LRMDA: variants seen among roughly 807,000 people sequenced by gnomAD.
LRMDA encodes leucine rich melanocyte differentiation associated.
LRMDA carries 18 observed loss-of-function variants against 29.8 expected under a neutral mutation model. The observed-to-expected ratio is 0.60, with a 90% CI of 0.42 to 0.90. The LOEUF is 0.90. Ranked by LOEUF, LRMDA falls within the 40% of genes least tolerant of loss-of-function variation. The pLI, the probability that LRMDA is intolerant of heterozygous loss-of-function variation, is 0.00. For missense variants in LRMDA, 273 were observed against 273.9 expected, an observed-to-expected ratio of 1.00 and a Z score of 0.02; for synonymous variants, 125 against 109.4, an observed-to-expected ratio of 1.14 and a Z score of -0.89.
At chr10:76,183,755 G>C (rs979345349) in intron 5 of LRMDA, among the ~76,000 whole-genome samples, 2 of 152,176 alleles carry the variant, frequency 1.3e-5, no homozygotes, top group South Asian at 2.1e-4. Flanking sequence ...GTATTGCTCT[G>C]TCACCCAGGC....
At chr10:76,310,876 T>G (rs1254229841) in intron 5 of LRMDA, among the ~76,000 whole-genome samples, 2 of 152,230 alleles carry the variant, frequency 1.3e-5, no homozygotes, top group Non-Finnish European at 2.9e-5. Flanking sequence ...TTTGGACATG[T>G]AAAGTCAACA....
intron 6 of LRMDA, among the ~76,000 whole-genome samples, chr10:76,452,052 A>G (rs2132300630): frequency 6.6e-6 from 1 of 152,296 alleles, no homozygotes; most frequent in East Asian, 1.9e-4. Context: ...TGATTGAGGA[A>G]GTATGAAGAG....
At chr10:75,455,019 G>T (rs1318205663) in intron 2 of LRMDA, among the ~76,000 whole-genome samples, 23 of 152,192 alleles carry the variant, frequency 1.5e-4, no homozygotes, top group Non-Finnish European at 3.4e-4. Flanking sequence ...TAGAAGTCAG[G>T]CCTGGGCCAC....
At chr10:76,081,904 G>T (rs1849055554) in intron 5 of LRMDA, among the ~76,000 whole-genome samples, 1 of 152,100 alleles carries the variant, frequency 6.6e-6, no homozygotes, top group African/African-American at 2.4e-5. Context: ...TTTCTGCTTT[G>T]ATTGGCTCAC....
chr10:76,408,838 C>T (rs1841929054), intron 6 of LRMDA, among the ~76,000 whole-genome samples: 1 of 152,136 alleles, frequency 6.6e-6, no homozygotes, highest in Non-Finnish European at 1.5e-5. Context: ...GACAGCTTTC[C>T]TTTGGTGGTT....
chr10:76,016,794 G>A (rs1847886780), intron 2 of LRMDA, among the ~76,000 whole-genome samples: 1 of 152,138 alleles, frequency 6.6e-6, no homozygotes, highest in Admixed American at 6.5e-5. Flanking sequence ...AAAAATAAAT[G>A]GGTTTAAGGA....
At chr10:76,460,271 C>A (rs1355916119) in intron 6 of LRMDA, among the ~76,000 whole-genome samples, 1 of 152,200 alleles carries the variant, frequency 6.6e-6, no homozygotes, top group African/African-American at 2.4e-5. Context: ...ATCAGGATCA[C>A]CCAGAGGATA....
intron 2 of LRMDA, among the ~76,000 whole-genome samples, chr10:75,651,308 T>C (rs10824327): frequency 0.2 from 30,793 of 152,052 alleles, 7,749 homozygotes; most frequent in African/African-American, 0.59. Context: ...GCTTCCATGC[T>C]CTAGGATCTG....
At chr10:76,229,576 A>G (rs1347711404) in intron 5 of LRMDA, among the ~76,000 whole-genome samples, 1 of 152,142 alleles carries the variant, frequency 6.6e-6, no homozygotes, top group East Asian at 1.9e-4. Flanking sequence ...GGAACTTCAG[A>G]AAAAGCCGCC....
chr10:76,456,268 T>C (rs149069436), intron 6 of LRMDA, among the ~76,000 whole-genome samples: 68 of 152,290 alleles, frequency 4.5e-4, no homozygotes, highest in African/African-American at 1.5e-3. Context: ...TCACCAAATA[T>C]ATTCTGTAAT....
chr10:76,286,487 T>C lies in LRMDA; in HGVS notation c.517-37914T>C, dbSNP rs905044811. Among the ~76,000 whole-genome samples the C allele has an allele frequency of 5.3e-5, 8 of 152,228 alleles. No homozygotes were observed. In the South Asian group the frequency reaches 8.3e-4, roughly 16 times the overall value. ...TCAAGAGGTACGAATATTTTGTCAC[T>C]GTATCTTAGCAGCTCTGCTGAGTGA... On this transcript the variant is annotated intron_variant, in intron 5 of 6. Transcript: ENST00000611255.
intron 2 of LRMDA, among the ~76,000 whole-genome samples, chr10:75,620,079 G>A (rs1841162671): frequency 6.6e-6 from 1 of 152,158 alleles, no homozygotes; most frequent in African/African-American, 2.4e-5. Context: ...CAAGCACACT[G>A]CGAACAGGCC....
At chr10:75,709,985 AAATTTGTT>A (rs2132176517) in intron 2 of LRMDA, among the ~76,000 whole-genome samples, 1 of 152,210 alleles carries the variant, frequency 6.6e-6, no homozygotes, top group African/African-American at 2.4e-5. Context: ...TTAATATGAG[AAATTTGTT>A]TTGTATCCCT....
chr10:75,699,034 C>T (rs757794506), intron 2 of LRMDA, among the ~76,000 whole-genome samples: 1 of 152,020 alleles, frequency 6.6e-6, no homozygotes, highest in Admixed American at 6.6e-5. Context: ...AACTCCATCT[C>T]TACTAAAAAT....
chr10:75,974,959 G>A (rs192553657), intron 2 of LRMDA, among the ~76,000 whole-genome samples: 55 of 152,308 alleles, frequency 3.6e-4, no homozygotes, highest in African/African-American at 1.3e-3. Flanking sequence ...AAACCAATGA[G>A]GAAGATGGAT....
At chr10:76,178,797 T>G (rs1352546814) in intron 5 of LRMDA, among the ~76,000 whole-genome samples, 1 of 152,232 alleles carries the variant, frequency 6.6e-6, no homozygotes, top group Non-Finnish European at 1.5e-5. Context: ...AAGTGGCAGC[T>G]TGTTCCTTGA....
At chr10:76,246,560 A>T (rs993176678) in intron 5 of LRMDA, among the ~76,000 whole-genome samples, 1 of 151,812 alleles carries the variant, frequency 6.6e-6, no homozygotes, top group East Asian at 1.9e-4. Flanking sequence ...GGAAAGCCGT[A>T]CGAATCCACA....
intron 2 of LRMDA, among the ~76,000 whole-genome samples, chr10:75,701,056 T>C (rs539870192): frequency 3.5e-4 from 54 of 152,272 alleles, no homozygotes; most frequent in Admixed American, 3.1e-3. Flanking sequence ...GAAAGTGCGA[T>C]AGAGAACTCC....
chr10:75,571,766 T>C (rs895675973), intron 2 of LRMDA, among the ~76,000 whole-genome samples: 2 of 152,158 alleles, frequency 1.3e-5, no homozygotes, highest in African/African-American at 2.4e-5. Flanking sequence ...ATCTGACCAC[T>C]GTGAGGTCTG....
Sources: allele counts gnomAD v4.1 joint callset (sites outside exome capture counted in the v4.1 genomes callset), GRCh38; gene constraint gnomAD v4.1.1; transcripts MANE v1.5; gene names NCBI Gene and HGNC (gene_info 2026-07-23, HGNC 2026-07-21).